Variants in FARS2 observed in about 807,000 individuals in gnomAD.
FARS2 encodes phenylalanyl-tRNA synthetase 2, mitochondrial, also known as phenylalanine--tRNA ligase, mitochondrial.
In FARS2, 40 loss-of-function variants were observed where a neutral mutation model predicts 46.4. That is an observed-to-expected ratio of 0.86 (90% CI 0.67 to 1.12). FARS2 has a LOEUF of 1.12. Ranked by LOEUF, FARS2 falls within the 50% of genes most tolerant of loss-of-function variation. The probability of loss-of-function intolerance (pLI) is 0.00; values close to 1 mark genes in which losing one functional copy is unlikely to be tolerated. For missense variants in FARS2, 513 were observed against 567.9 expected (o/e 0.90, Z 0.98); for synonymous variants, 234 against 214.9 (o/e 1.09, Z -0.78).
chr6:5,560,853 G>A (rs1250628653), intron 5 of FARS2, among the ~76,000 whole-genome samples: 1 of 152,258 alleles, frequency 6.6e-6, no homozygotes, highest in Non-Finnish European at 1.5e-5. Context: ...GCACAGCTGG[G>A]CGCTGTGGCT....
At chr6:5,561,695 C>A (rs995854567) in intron 5 of FARS2, among the ~76,000 whole-genome samples, 5 of 152,024 alleles carry the variant, frequency 3.3e-5, no homozygotes, top group Non-Finnish European at 5.9e-5. Context: ...GGATTCATAT[C>A]TTTACTCAAC....
At chr6:5,692,312 A>T (rs947922417) in intron 6 of FARS2, among the ~76,000 whole-genome samples, 2 of 152,178 alleles carry the variant, frequency 1.3e-5, no homozygotes, top group Non-Finnish European at 2.9e-5. Context: ...AGCTGTTCCT[A>T]TTCGGCCATC....
intron 6 of FARS2, among the ~76,000 whole-genome samples, chr6:5,634,188 C>G (rs1327218823): frequency 6.6e-6 from 1 of 152,132 alleles, no homozygotes; most frequent in Non-Finnish European, 1.5e-5. Context: ...ATGAGAGAAT[C>G]AAACTTTTAT....
the FARS2 span, among the ~76,000 whole-genome samples, chr6:5,252,522 G>A: frequency 6.6e-6 from 1 of 152,120 alleles, no homozygotes; most frequent in Non-Finnish European, 1.5e-5. Context: ...TCTTTGCCTG[G>A]AATGCTCTTC....
At chr6:5,544,330 A>G (rs189831355) in intron 4 of FARS2, among the ~76,000 whole-genome samples, 1 of 152,332 alleles carries the variant, frequency 6.6e-6, no homozygotes, top group East Asian at 1.9e-4. Flanking sequence ...AGGAGTTTAC[A>G]CAAGGCATGT....
intron 1 of FARS2, among the ~76,000 whole-genome samples, chr6:5,264,738 A>G (rs1029841049): frequency 4.6e-5 from 7 of 152,114 alleles, no homozygotes; most frequent in African/African-American, 1.7e-4. Flanking sequence ...AAGATGATAT[A>G]GTCACAGTGA....
At chr6:5,639,418 C>G (rs1776697506) in intron 6 of FARS2, among the ~76,000 whole-genome samples, 1 of 152,206 alleles carries the variant, frequency 6.6e-6, no homozygotes, top group South Asian at 2.1e-4. Flanking sequence ...TGTTTACACC[C>G]TGTACTTAAA....
At chr6:5,529,457 G>A (rs1769683485) in intron 4 of FARS2, among the ~76,000 whole-genome samples, 2 of 152,050 alleles carry the variant, frequency 1.3e-5, no homozygotes, top group South Asian at 4.1e-4. Context: ...ACAGGCGCCT[G>A]CCACCACACC....
chr6:5,672,272 A>G (rs1014080493), intron 6 of FARS2, among the ~76,000 whole-genome samples: 6 of 152,162 alleles, frequency 3.9e-5, no homozygotes, highest in African/African-American at 1.4e-4. Context: ...GCCCGCCCTA[A>G]GACTCTATCC....
chr6:5,584,396 A>G (rs1773505942), intron 5 of FARS2, among the ~76,000 whole-genome samples: 2 of 152,178 alleles, frequency 1.3e-5, no homozygotes, highest in South Asian at 4.2e-4. Context: ...ACAAACAAGC[A>G]GACCTTTTAG....
At chr6:5,748,504 A>G (rs1761763602) in intron 6 of FARS2, among the ~76,000 whole-genome samples, 1 of 152,244 alleles carries the variant, frequency 6.6e-6, no homozygotes, top group Non-Finnish European at 1.5e-5. Flanking sequence ...CATCATGGCC[A>G]CGGGCAACAA....
At chr6:5,771,263 C>T in intron 6 of FARS2, 28 bp from the exon 7 acceptor site, 1 of 1,613,740 alleles carries the variant, frequency 6.2e-7, no homozygotes. Flanking sequence ...TCATCCCGCA[C>T]TCACCTGTGT....
intron 4 of FARS2, among the ~76,000 whole-genome samples, chr6:5,459,691 T>C (rs925865019): frequency 3.9e-5 from 6 of 152,218 alleles, no homozygotes; most frequent in African/African-American, 1.4e-4. Flanking sequence ...CATTAAAGTT[T>C]ACTCCCTTTC....
At chr6:5,735,793 A>G (rs1245608685) in intron 6 of FARS2, among the ~76,000 whole-genome samples, 3 of 152,156 alleles carry the variant, frequency 2.0e-5, no homozygotes, top group African/African-American at 7.2e-5. Context: ...CAGCCTATCG[A>G]ACACATGCTG....
At chr6:5,319,445 G>C (rs1476085793) in intron 1 of FARS2, among the ~76,000 whole-genome samples, 1 of 152,204 alleles carries the variant, frequency 6.6e-6, no homozygotes, top group Admixed American at 6.5e-5. Context: ...CCCAAGTGCC[G>C]GCAGGCCACT....
chr6:5,406,022 C>T lies in FARS2; in HGVS notation c.772+1321C>T, dbSNP rs77920208. ...TGTTTTCAGTAATGCCACCTTCCCC[C>T]TCCAGCTATTTTTAACTTAATTGAG... On this transcript the variant is annotated intron_variant, in intron 3 of 6. Transcript: ENST00000274680. Among the ~76,000 whole-genome samples, 194 of 152,288 alleles carry T rather than the reference C, an allele frequency of 1.3e-3. 1 individual carries two copies. In the East Asian group the frequency reaches 0.026, roughly 21 times the overall value.
chr6:5,538,494 A>G (rs910447868), intron 4 of FARS2, among the ~76,000 whole-genome samples: 3 of 152,208 alleles, frequency 2.0e-5, no homozygotes, highest in African/African-American at 7.2e-5. Flanking sequence ...CGATGGGGCC[A>G]AAGTAAAAAG....
At chr6:5,359,377 T>C (rs937690251) in intron 1 of FARS2, among the ~76,000 whole-genome samples, 1 of 152,194 alleles carries the variant, frequency 6.6e-6, no homozygotes, top group Non-Finnish European at 1.5e-5. Flanking sequence ...TGGCATGGTA[T>C]ATTGAGATAA....
intron 6 of FARS2, among the ~76,000 whole-genome samples, chr6:5,742,387 A>G (rs888203340): frequency 3.3e-5 from 5 of 152,184 alleles, no homozygotes; most frequent in Non-Finnish European, 4.4e-5. Flanking sequence ...AAGTCAGTCT[A>G]CGGGATGAGA....
Sources: gnomAD v4.1 joint callset for allele counts (sites outside exome capture counted in the v4.1 genomes callset) on GRCh38, gnomAD v4.1.1 for gene constraint, MANE v1.5 for transcripts, NCBI Gene and HGNC (gene_info 2026-07-23, HGNC 2026-07-21) for gene names.